The following ARHGEF37 variants were observed in gnomAD, a reference collection of about 807,000 sequenced individuals.
ARHGEF37 encodes the protein Rho guanine nucleotide exchange factor 37.
In ARHGEF37, 55 loss-of-function variants were observed where a neutral mutation model predicts 71.1. The ratio of observed to expected loss-of-function variants is 0.77; its 90% CI spans 0.62 to 0.97. The LOEUF is 0.97. ARHGEF37 is among the 50% of genes least tolerant of loss of function. The pLI is 0.00. For synonymous variants in ARHGEF37, 327 were observed against 350.6 expected, an observed-to-expected ratio of 0.93 and a Z score of 0.75; for missense variants, 765 against 836.8, an observed-to-expected ratio of 0.91 and a Z score of 1.06.
intron 4 of ARHGEF37, among the ~76,000 whole-genome samples, chr5:149,613,300 A>G (rs977942659): frequency 6.6e-6 from 1 of 152,202 alleles, no homozygotes; most frequent in Non-Finnish European, 1.5e-5. Flanking sequence ...ATATTTATAG[A>G]TAGAGAGACA....
chr5:149,626,902 A>T (rs1414726893), intron 10 of ARHGEF37, 174 bp from the exon 11 acceptor site: 12 of 503,718 alleles, frequency 2.4e-5, no homozygotes, highest in Middle Eastern at 5.4e-4. Flanking sequence ...TAGGCTGCTA[A>T]GAGCCAGCCA....
At chr5:149,591,658 G>A (rs1763411113) in intron 1 of ARHGEF37, among the ~76,000 whole-genome samples, 1 of 152,168 alleles carries the variant, frequency 6.6e-6, no homozygotes, top group Non-Finnish European at 1.5e-5. Flanking sequence ...ATGAATTTTT[G>A]ACTGTAAGAT....
At chr5:149,571,096 C>G (rs374275978) in intron 1 of ARHGEF37, among the ~76,000 whole-genome samples, 1 of 151,168 alleles carries the variant, frequency 6.6e-6, no homozygotes, top group Non-Finnish European at 1.5e-5. Context: ...GCATGCGCCA[C>G]CACGCCCAGC....
Position 149,616,747 on chromosome 5 carries a change from C to T in ARHGEF37, c.639C>T (p.Tyr213=), listed in dbSNP as rs1280850966. 5 of 1,606,406 alleles carry T rather than the reference C, an allele frequency of 3.1e-6. No individual in the cohort carries two copies. The highest frequency in any genetic ancestry group is 2.2e-5 in the East Asian group (1 of 44,682). ...LQDVNTNINE[Y]KMRKEVASKY... Reference sequence around the variant, plus strand: ...ACGTGAACACCAATATCAATGAGTACAAGATGCGCAAGGAAGTGGGTAAGG... The same window carrying T: ...ACGTGAACACCAATATCAATGAGTATAAGATGCGCAAGGAAGTGGGTAAGG... The change falls in exon 5 of 13, where the codon TAC becomes TAT. Residue 213 remains tyrosine, a synonymous_variant. Transcript: ENST00000333677.
rs180856185 is a variant in ARHGEF37, at chr5:149,601,195, A to G, written c.274A>G (p.Thr92Ala). 5.6e-6 allele frequency: 9 copies of G among 1,613,222 alleles called. 1 individual carries two copies. The Admixed American group carries it at 1.5e-4, about 27-fold the overall frequency. ...CAGATTCCTCCATGATCTGCAGGAG[A>G]CAGCCTCCAAGGAAGAGGAACAAGT... is the stretch of plus-strand genomic sequence containing the variant. ...NSRFLHDLQETASKEEEQVQL... is the reference protein window; with the variant it reads ...NSRFLHDLQEAASKEEEQVQL... The change falls in exon 3 of 13, where the codon ACA becomes GCA. Residue 92 changes from threonine to alanine, a missense_variant. Around this residue, in one of 5 missense-constraint regions of ARHGEF37, gnomAD observed 201 missense variants for 217.5 expected, o/e 0.92. Coordinates refer to ENST00000333677, the MANE Select transcript of ARHGEF37 (RefSeq NM_001001669.3).
rs35255200 is a variant in ARHGEF37 at position 149,628,485 on chromosome 5, A to G, written c.1661-324A>G. On this transcript the variant is annotated intron_variant, in intron 11 of 12. Coordinates refer to ENST00000333677, the MANE Select transcript of ARHGEF37 (RefSeq NM_001001669.3). Reference sequence around the variant, plus strand: ...AGGAAGCAGCTCTTGCTCTGGGCAGACACCAGAGGGGCATGGGAGCTGGCG... The same window carrying G: ...AGGAAGCAGCTCTTGCTCTGGGCAGGCACCAGAGGGGCATGGGAGCTGGCG... Among the ~76,000 whole-genome samples, 2,156 of 152,260 alleles carry G rather than the reference A, an allele frequency of 0.014. 182 individuals carry two copies. In the East Asian group the frequency reaches 0.26, roughly 18 times the overall value.
chr5:149,613,349 A>T (rs1314197008), intron 4 of ARHGEF37, among the ~76,000 whole-genome samples: 1 of 145,184 alleles, frequency 6.9e-6, no homozygotes, highest in African/African-American at 2.5e-5. Context: ...GATAGATAGA[A>T]TTTTTTTTTT....
In ARHGEF37 at chr5:149,632,130, C is replaced by T. The variant is rs1256749282; in HGVS notation, c.1967C>T (p.Pro656Leu). 2 of 1,614,142 alleles carry T rather than the reference C, an allele frequency of 1.2e-6. No individual in the cohort carries two copies. The highest frequency in any genetic ancestry group is 2.2e-5 in the East Asian group (1 of 44,898). The part of the protein sequence containing the change: ...VEVNGQRGYV[P>L]SGFLARARSP... ...GTGAATGGACAGAGGGGTTATGTGC[C>T]TTCTGGCTTCTTGGCCAGGGCTCGG... Residue 656 changes from proline (P) to leucine (L), a missense_variant, in exon 13 of 13, where the codon CCT becomes CTT. By Grantham distance (98) the Pro-to-Leu change is moderately conservative. This residue lies in a region of ARHGEF37 where 390 missense variants were observed against 407.4 expected (regional missense o/e 0.96). Coordinates refer to ENST00000333677, the MANE Select transcript of ARHGEF37 (RefSeq NM_001001669.3).
At chr5:149,599,609 T>C (rs1449259203) in intron 2 of ARHGEF37, among the ~76,000 whole-genome samples, 1 of 152,104 alleles carries the variant, frequency 6.6e-6, no homozygotes, top group Non-Finnish European at 1.5e-5. Flanking sequence ...ATTCTAACTG[T>C]CTCATTTGCA....
chr5:149,598,764 A>T (rs1280874585), intron 2 of ARHGEF37, among the ~76,000 whole-genome samples: 1 of 131,128 alleles, frequency 7.6e-6, no homozygotes, highest in Non-Finnish European at 1.6e-5. Context: ...ATATAGATAT[A>T]GATATAGATA....
chr5:149,558,607 C>T (rs1252600307), intron 1 of ARHGEF37, among the ~76,000 whole-genome samples: 1 of 151,676 alleles, frequency 6.6e-6, no homozygotes, highest in Non-Finnish European at 1.5e-5. Context: ...CCTCCCTCCT[C>T]GGCCTCCTAA....
chr5:149,631,598 A>G (rs1184130334), intron 12 of ARHGEF37, among the ~76,000 whole-genome samples: 1 of 152,226 alleles, frequency 6.6e-6, no homozygotes, highest in Non-Finnish European at 1.5e-5. Flanking sequence ...GAGTCTGCTC[A>G]GTGATGTGGC....
At chr5:149,557,387 T>G (rs1306358413) in intron 1 of ARHGEF37, among the ~76,000 whole-genome samples, 3 of 152,212 alleles carry the variant, frequency 2.0e-5, no homozygotes, top group African/African-American at 7.2e-5. Flanking sequence ...ATAGATAAAC[T>G]GGGAATTTTC....
chr5:149,559,249 A>G (rs899765795), intron 1 of ARHGEF37, among the ~76,000 whole-genome samples: 3 of 152,160 alleles, frequency 2.0e-5, no homozygotes, highest in African/African-American at 7.2e-5. Context: ...TGAACCCAGG[A>G]GGCAGAGGTT....
chr5:149,625,699 G>A (rs1008775441), intron 10 of ARHGEF37, among the ~76,000 whole-genome samples: 3 of 152,184 alleles, frequency 2.0e-5, no homozygotes, highest in Non-Finnish European at 4.4e-5. Flanking sequence ...GAGCACGGGT[G>A]CAGAGGATAA....
intron 12 of ARHGEF37, 48 bp from the exon 13 acceptor site, chr5:149,631,934 C>A: frequency 1.3e-6 from 2 of 1,593,292 alleles, no homozygotes. Flanking sequence ...TCCAGTCTGT[C>A]TACCTTCTCA....
chr5:149,553,142 T>A (rs185515565), intron 1 of ARHGEF37, among the ~76,000 whole-genome samples: 186 of 152,308 alleles, frequency 1.2e-3, no homozygotes, highest in Non-Finnish European at 1.7e-3. Context: ...CTCACACCTG[T>A]AATCCCAGCA....
chr5:149,588,727 AT>A (rs1284562506), intron 1 of ARHGEF37, among the ~76,000 whole-genome samples: 1 of 152,170 alleles, frequency 6.6e-6, no homozygotes, highest in Non-Finnish European at 1.5e-5. Context: ...AAATGTTTAA[AT>A]GGGCTCCTCC....
intron 1 of ARHGEF37, among the ~76,000 whole-genome samples, chr5:149,584,035 C>A (rs553068994): frequency 6.6e-6 from 1 of 152,314 alleles, no homozygotes; most frequent in East Asian, 1.9e-4. Flanking sequence ...GCTGGGATTA[C>A]AGGCATGAGC....
Sources: gnomAD v4.1 joint callset for allele counts (sites outside exome capture counted in the v4.1 genomes callset) on GRCh38, gnomAD v4.1.1 for gene constraint, gnomAD v4.1.1 regional missense constraint, MANE v1.5 for transcripts, NCBI Gene and HGNC (gene_info 2026-07-23, HGNC 2026-07-21) for gene names.